The following PIRT variants were observed in gnomAD, a reference collection of about 807,000 sequenced individuals.
PIRT encodes the protein phosphoinositide interacting regulator of transient receptor potential channels.
A neutral mutation model predicts 7.9 loss-of-function variants in PIRT; 6 were observed. The observed-to-expected ratio is 0.76, with a 90% CI of 0.42 to 1.51. PIRT has a LOEUF of 1.51. Ranked by LOEUF, PIRT falls within the 40% of genes most tolerant of loss-of-function variation. The pLI is 0.01. For missense variants in PIRT, 170 were observed against 172.9 expected (o/e 0.98, Z 0.09); for synonymous variants, 78 against 71.8 (o/e 1.09, Z -0.44).
chr17:10,831,432 T>C (rs1905460077), intron 1 of PIRT, among the ~76,000 whole-genome samples: 1 of 152,068 alleles, frequency 6.6e-6, no homozygotes, highest in African/African-American at 2.4e-5. Flanking sequence ...AATCCAATGA[T>C]TGGCATCTTC....
At chr17:10,830,715 A>G (rs1026922373) in intron 1 of PIRT, among the ~76,000 whole-genome samples, 1 of 152,196 alleles carries the variant, frequency 6.6e-6, no homozygotes, top group Non-Finnish European at 1.5e-5. Context: ...TTTTCAGAAA[A>G]TCACCAATTC....
At chr17:10,826,834 T>C (rs544413022) in intron 1 of PIRT, among the ~76,000 whole-genome samples, 81 of 151,936 alleles carry the variant, frequency 5.3e-4, no homozygotes, top group African/African-American at 1.9e-3. Context: ...TTTTTTGAGA[T>C]GGAGTTTCAC....
At chr17:10,836,665 C>G (rs1905599691) in intron 1 of PIRT, among the ~76,000 whole-genome samples, 2 of 152,144 alleles carry the variant, frequency 1.3e-5, no homozygotes, top group Non-Finnish European at 2.9e-5. Context: ...GCCCCACCAT[C>G]TAGAGAGCTC....
chr17:10,837,782 T>A (rs1052862216), intron 1 of PIRT, among the ~76,000 whole-genome samples, 163 bp downstream of exon 1: 1 of 152,164 alleles, frequency 6.6e-6, no homozygotes, highest in Non-Finnish European at 1.5e-5. Flanking sequence ...CCAGGCTGAC[T>A]TCACCCCCTC....
intron 1 of PIRT, among the ~76,000 whole-genome samples, 177 bp downstream of exon 1, chr17:10,837,768 G>T (rs1259827726): frequency 1.3e-5 from 2 of 152,172 alleles, no homozygotes; most frequent in East Asian, 3.9e-4. Context: ...AGCAGGCAGT[G>T]CCTCCAGGCT....
At chr17:10,826,433 A>C (rs1905315105) in intron 1 of PIRT, among the ~76,000 whole-genome samples, 2 of 152,236 alleles carry the variant, frequency 1.3e-5, no homozygotes, top group Non-Finnish European at 2.9e-5. Flanking sequence ...AAGGGATGTA[A>C]TGCATTGAAA....
chr17:10,830,267 T>C (rs1441148184), intron 1 of PIRT, among the ~76,000 whole-genome samples: 1 of 152,202 alleles, frequency 6.6e-6, no homozygotes, highest in Non-Finnish European at 1.5e-5. Flanking sequence ...AGGGCAGGGC[T>C]GTGAGTGGAA....
chr17:10,837,508 G>A (rs901362731), intron 1 of PIRT, among the ~76,000 whole-genome samples: 3 of 152,230 alleles, frequency 2.0e-5, no homozygotes, highest in African/African-American at 4.8e-5. Flanking sequence ...GCTGGGGTCC[G>A]AGATTCCACC....
intron 1 of PIRT, among the ~76,000 whole-genome samples, chr17:10,837,358 C>T (rs1370381036): frequency 6.6e-6 from 1 of 152,230 alleles, no homozygotes; most frequent in Non-Finnish European, 1.5e-5. Context: ...TGCCTTGTTC[C>T]CCCTGTCTGA....
In PIRT at chr17:10,824,499, A is replaced by G. The variant is rs1476590347; in HGVS notation, c.*733T>C. 1 of 152,220 alleles carries G rather than the reference A, an allele frequency of 6.6e-6. No homozygotes were observed. Among genetic ancestry groups the G allele is most frequent in the Non-Finnish European group, 1.5e-5 (1 of 68,054 alleles). The allele number at this position is 152,220 out of a possible 1,614,324, so 9.4% of individuals were successfully genotyped here. On this transcript the variant is annotated 3_prime_UTR_variant, in exon 2 of 2. Coordinates refer to ENST00000580256, the MANE Select transcript of PIRT (RefSeq NM_001101387.2). ...TGGCTAATGATCAAGTTCAGAGAAGACAGTGGTCAATGAGAAAGATAAGGT... is the reference window on the plus strand; with the variant it reads ...TGGCTAATGATCAAGTTCAGAGAAGGCAGTGGTCAATGAGAAAGATAAGGT...
intron 1 of PIRT, among the ~76,000 whole-genome samples, chr17:10,826,673 A>G (rs944691913): frequency 6.6e-6 from 1 of 152,246 alleles, no homozygotes; most frequent in Non-Finnish European, 1.5e-5. Flanking sequence ...AGATCACACG[A>G]TAAGGAACAG....
At chr17:10,827,564 T>C (rs1301410251) in intron 1 of PIRT, among the ~76,000 whole-genome samples, 1 of 132,946 alleles carries the variant, frequency 7.5e-6, no homozygotes, top group East Asian at 2.5e-4. Context: ...AACCTCCGCC[T>C]CCCAGGTTCA....
rs1324333187 is a variant in PIRT, at chr17:10,825,195, T to C, written c.*37A>G. On this transcript the variant is annotated 3_prime_UTR_variant, in exon 2 of 2. Coordinates refer to ENST00000580256, the MANE Select transcript of PIRT (RefSeq NM_001101387.2). ...GTCGGATGTTGGTCATCAGATCTTC[T>C]CCCAGTCAAGGTGGCAGGGAGATGC... The C allele has an allele frequency of 3.1e-6, 5 of 1,600,740 alleles. No homozygotes were observed. The African/African-American group carries it at 6.7e-5, about 21-fold the overall frequency.
rs546378094 is a variant in PIRT at position 10,835,359 on chromosome 17, G to C, written c.-139+2586C>G. Among the ~76,000 whole-genome samples the C allele has an allele frequency of 1.8e-4, 27 of 152,260 alleles. 3 individuals carry two copies. The highest frequency in any genetic ancestry group is 6.3e-4 in the African/African-American group (26 of 41,536). ...ATCCTCCCACCCAGTCACTCCTATG[G>C]GGAAGCTATATTCTTGCCCCACTTT... On this transcript the variant is annotated intron_variant, in intron 1 of 1. Transcript: ENST00000580256.
Position 10,825,076 on chromosome 17 carries a change from G to A in PIRT, c.*156C>T. The A allele has an allele frequency of 1.1e-6, 1 of 943,608 alleles. No homozygotes were observed. The highest frequency in any genetic ancestry group is 1.6e-6 in the Non-Finnish European group (1 of 642,106). 58.5% of individuals were successfully genotyped at this position (943,608 alleles called of 1,614,324 possible). A position where few individuals can be genotyped will look rare whatever the true frequency, so the allele number is the denominator to read the frequency against. ...CATCTGGCAACATTCCCGGCTGCAT[G>A]GAGGGTGGAGCCCCAAGCTCTATCT... On this transcript the variant is annotated 3_prime_UTR_variant, in exon 2 of 2. Coordinates refer to ENST00000580256, the MANE Select transcript of PIRT (RefSeq NM_001101387.2).
At chr17:10,829,141 A>G (rs1905404983) in intron 1 of PIRT, among the ~76,000 whole-genome samples, 1 of 152,212 alleles carries the variant, frequency 6.6e-6, no homozygotes, top group Non-Finnish European at 1.5e-5. Context: ...ATGTTTGATC[A>G]TCTTCAGCAG....
At chr17:10,827,454 C>CTTTTTTTTTTTTTTTTTTTT (rs1567615893) in intron 1 of PIRT, among the ~76,000 whole-genome samples, 1 of 90,430 alleles carries the variant, frequency 1.1e-5, no homozygotes, top group African/African-American at 4.7e-5. Flanking sequence ...TCTTTTCTTT[C>CTTTTTTTTTTTTTTTTTTTT]TTTTTCTTTT....
chr17:10,837,396 C>T (rs939955953), intron 1 of PIRT, among the ~76,000 whole-genome samples: 1 of 152,236 alleles, frequency 6.6e-6, no homozygotes, highest in African/African-American at 2.4e-5. Context: ...AGCCAACGCA[C>T]TCCACCTTGT....
At chr17:10,837,576 T>C (rs1481975085) in intron 1 of PIRT, among the ~76,000 whole-genome samples, 3 of 152,158 alleles carry the variant, frequency 2.0e-5, no homozygotes, top group Non-Finnish European at 4.4e-5. Flanking sequence ...TTTTTGCTTC[T>C]TCCACTTAGA....
Sources: gnomAD v4.1 joint callset for allele counts (sites outside exome capture counted in the v4.1 genomes callset) on GRCh38, gnomAD v4.1.1 for gene constraint, MANE v1.5 for transcripts, NCBI Gene and HGNC (gene_info 2026-07-23, HGNC 2026-07-21) for gene names.